Variants in TRPS1 observed in about 807,000 individuals in gnomAD.
TRPS1 encodes the protein zinc finger transcription factor Trps1.
In TRPS1, 6 loss-of-function variants were observed where a neutral mutation model predicts 101.2. The observed-to-expected ratio is 0.06, with a 90% CI of 0.03 to 0.12. TRPS1 has a LOEUF of 0.12. Among genes scored for constraint, TRPS1 ranks in the 10% least tolerant of loss-of-function variants. The pLI, the probability that TRPS1 is intolerant of heterozygous loss-of-function variation, is 1.00. For synonymous variants in TRPS1, 578 were observed against 589.8 expected, an observed-to-expected ratio of 0.98 and a Z score of 0.29; for missense variants, 1,363 against 1,567.0, an observed-to-expected ratio of 0.87 and a Z score of 2.20.
intron 5 of TRPS1, among the ~76,000 whole-genome samples, chr8:115,521,086 A>C (rs1815849682): frequency 6.6e-6 from 1 of 151,832 alleles, no homozygotes. Flanking sequence ...AGAAGTTATC[A>C]ATATTAGAAC....
chr8:115,613,480 C>T (rs2737215), intron 3 of TRPS1, among the ~76,000 whole-genome samples: 101,253 of 152,028 alleles, frequency 0.67, 34,576 homozygotes, highest in East Asian at 0.84. Flanking sequence ...TTGGCCTACC[C>T]TCTATTGCTT....
At position 115,604,367 on chromosome 8, in the gene TRPS1, C is replaced by T. The variant is rs368347644; in HGVS notation, c.1602G>A (p.Thr534=). Residue 534 remains threonine (T), a synonymous_variant, in exon 4 of 7, where the codon ACG becomes ACA. Transcript: ENST00000395715. The surrounding 1 kb of genome is among the most constrained non-coding windows in gnomAD (Gnocchi z 4.1). ...AGTCACAGAACTGACAATTATAGCT[C>T]GTTACCATATTATCCTCGGCTCCCT... ...SSKGAEDNMV[T]SYNCQFCDFR... 2.7e-5 allele frequency: 43 copies of T among 1,613,862 alleles called. No individual in the cohort carries two copies. The highest frequency in any genetic ancestry group is 2.1e-4 in the African/African-American group (16 of 74,870).
intron 5 of TRPS1, among the ~76,000 whole-genome samples, chr8:115,427,313 G>T (rs1465877594): frequency 6.6e-6 from 1 of 151,962 alleles, no homozygotes; most frequent in Non-Finnish European, 1.5e-5. Context: ...AAATAAAAAA[G>T]AATTTTTGAA....
At chr8:115,598,548 A>C (rs1292260607) in intron 4 of TRPS1, among the ~76,000 whole-genome samples, 1 of 152,078 alleles carries the variant, frequency 6.6e-6, no homozygotes, top group African/African-American at 2.4e-5. Context: ...TTCTGGGTTC[A>C]AGCCTTGGCC....
intron 5 of TRPS1, among the ~76,000 whole-genome samples, chr8:115,433,543 T>C (rs1211330804): frequency 6.6e-6 from 1 of 152,120 alleles, no homozygotes; most frequent in East Asian, 1.9e-4. Context: ...AGAAAACAAA[T>C]GTTTAAGTCA....
chr8:115,464,954 C>T (rs76743547), intron 5 of TRPS1, among the ~76,000 whole-genome samples: 3,237 of 152,110 alleles, frequency 0.021, 106 homozygotes, highest in African/African-American at 0.073. Flanking sequence ...TCAAGTACAA[C>T]GCAATCAAGC....
In TRPS1 at chr8:115,414,847, C is replaced by G. The variant is rs1812876144; in HGVS notation, c.3061G>C (p.Gly1021Arg). 6.2e-7 allele frequency: 1 copy of G among 1,613,906 alleles called. No homozygotes were observed. The highest frequency in any genetic ancestry group is 8.5e-7 in the Non-Finnish European group (1 of 1,179,928). The change falls in exon 7 of 7, where the codon GGT (glycine) becomes CGT (arginine). Residue 1021 changes from glycine (G) to arginine (R), a missense_variant. Coordinates refer to ENST00000395715, the MANE Select transcript of TRPS1 (RefSeq NM_014112.5). This position sits in a 1 kb window ranked among gnomAD's most constrained non-coding sequence, Gnocchi z 4.8. ...LPSLSKYEAQGSLTKSHSAQQ... is the reference protein window; with the variant it reads ...LPSLSKYEAQRSLTKSHSAQQ... ...GCAGAATGGCTTTTAGTCAATGAAC[C>G]CTGGGCTTCGTATTTACTTAGGCTG... is the stretch of plus-strand genomic sequence containing the variant.
intron 3 of TRPS1, among the ~76,000 whole-genome samples, chr8:115,609,223 G>T (rs1818108383): frequency 6.6e-6 from 1 of 152,078 alleles, no homozygotes; most frequent in Non-Finnish European, 1.5e-5. Context: ...GCATAGGTAG[G>T]ATTATTATTT....
intron 5 of TRPS1, among the ~76,000 whole-genome samples, chr8:115,554,591 C>A (rs1360153623): frequency 6.6e-6 from 1 of 152,164 alleles, no homozygotes; most frequent in Non-Finnish European, 1.5e-5. Flanking sequence ...AAACAGCCCA[C>A]ACATTATGAC....
At chr8:115,478,588 G>C (rs866299511) in intron 5 of TRPS1, among the ~76,000 whole-genome samples, 3 of 152,028 alleles carry the variant, frequency 2.0e-5, no homozygotes, top group Admixed American at 6.6e-5. Flanking sequence ...TGGATCACTT[G>C]AGGTCAGGAG....
intron 5 of TRPS1, among the ~76,000 whole-genome samples, chr8:115,528,939 T>G (rs1342472468): frequency 1.3e-5 from 2 of 152,040 alleles, no homozygotes; most frequent in Non-Finnish European, 2.9e-5. Context: ...TAGCTAAACA[T>G]TATGAGGACA....
At chr8:115,583,902 A>C (rs1817508394) in intron 5 of TRPS1, among the ~76,000 whole-genome samples, 2 of 152,074 alleles carry the variant, frequency 1.3e-5, no homozygotes, top group African/African-American at 4.8e-5. Flanking sequence ...CCCTGACATA[A>C]GCCAAAAAAA....
At chr8:115,572,023 T>C (rs905750422) in intron 5 of TRPS1, among the ~76,000 whole-genome samples, 1 of 152,248 alleles carries the variant, frequency 6.6e-6, no homozygotes, top group African/African-American at 2.4e-5. Context: ...ATTAAACAAT[T>C]AAATTTTTAT....
At chr8:115,660,619 GAAAAA>G (rs902565902) in intron 1 of TRPS1, among the ~76,000 whole-genome samples, 4 of 149,896 alleles carry the variant, frequency 2.7e-5, no homozygotes, top group African/African-American at 9.8e-5. Flanking sequence ...CCTCAAAAAA[GAAAAA>G]AAGAAATGGA....
At chr8:115,458,306 A>C (rs1398745015) in intron 5 of TRPS1, among the ~76,000 whole-genome samples, 1 of 152,194 alleles carries the variant, frequency 6.6e-6, no homozygotes, top group Non-Finnish European at 1.5e-5. Flanking sequence ...ATATGAATCT[A>C]AATCTCTCTT....
chr8:115,535,137 A>C (rs558654623), intron 5 of TRPS1, among the ~76,000 whole-genome samples: 104 of 148,064 alleles, frequency 7.0e-4, no homozygotes, highest in Non-Finnish European at 1.2e-3. Flanking sequence ...GCATATATAT[A>C]GCATATATAT....
At chr8:115,437,959 G>A (rs1030318417) in intron 5 of TRPS1, among the ~76,000 whole-genome samples, 2 of 152,066 alleles carry the variant, frequency 1.3e-5, no homozygotes, top group African/African-American at 4.8e-5. Flanking sequence ...TTATAATCTA[G>A]CAAGCGAATC....
intron 1 of TRPS1, among the ~76,000 whole-genome samples, chr8:115,654,540 T>A (rs1020609111): frequency 6.6e-6 from 1 of 152,136 alleles, no homozygotes; most frequent in Non-Finnish European, 1.5e-5. Flanking sequence ...TAAAGAAACA[T>A]CCATTTCATG....
intron 1 of TRPS1, among the ~76,000 whole-genome samples, chr8:115,664,646 A>T (rs1811881262): frequency 6.6e-6 from 1 of 152,148 alleles, no homozygotes; most frequent in East Asian, 1.9e-4. Context: ...GGAGAAAAAG[A>T]AACCTATTAC....
Sources: gnomAD v4.1 joint callset for allele counts (sites outside exome capture counted in the v4.1 genomes callset) on GRCh38, gnomAD v4.1.1 for gene constraint, Gnocchi (gnomAD v3.1) non-coding constraint, MANE v1.5 for transcripts, NCBI Gene and HGNC (gene_info 2026-07-23, HGNC 2026-07-21) for gene names.